Variants in PARD3B observed in about 807,000 individuals in gnomAD.
PARD3B encodes par-3 family cell polarity regulator beta.
PARD3B carries 103 observed loss-of-function variants against 130.2 expected under a neutral mutation model. The ratio of observed to expected loss-of-function variants is 0.79; its 90% CI spans 0.67 to 0.93. The LOEUF (loss-of-function observed/expected upper bound fraction) is 0.93, where lower values mean the gene tolerates loss of function less well. PARD3B is among the 40% of genes least tolerant of loss of function. The pLI, the probability that PARD3B is intolerant of heterozygous loss-of-function variation, is 0.00. For missense variants in PARD3B, 1,609 were observed against 1,499.2 expected (o/e 1.07, Z -1.21); for synonymous variants, 583 against 553.2 (o/e 1.05, Z -0.76).
rs1028285801 is a variant in PARD3B at position 205,272,073 on chromosome 2, G to A, written c.2185+26251G>A. ...CTCAGGAGGCTGAGGCAGGAGAATC[G>A]TTTGAACCCGGGAGGCAGAGTTTCC... On this transcript the variant is annotated intron_variant, in intron 16 of 22. Transcript: ENST00000406610. Among the ~76,000 whole-genome samples, 4 of 151,424 alleles carry A rather than the reference G, an allele frequency of 2.6e-5. No homozygotes were observed. In the East Asian group the frequency reaches 5.9e-4, roughly 22 times the overall value.
chr2:204,971,397 A>T (rs930607176), intron 3 of PARD3B, among the ~76,000 whole-genome samples: 2 of 152,202 alleles, frequency 1.3e-5, no homozygotes, highest in African/African-American at 4.8e-5. Flanking sequence ...TACAAAGCAT[A>T]TAAGCATGTG....
At chr2:205,010,828 A>G (rs1695651005) in intron 3 of PARD3B, among the ~76,000 whole-genome samples, 1 of 152,106 alleles carries the variant, frequency 6.6e-6, no homozygotes, top group African/African-American at 2.4e-5. Flanking sequence ...ATATATTTTC[A>G]GTGTGGTTAT....
chr2:204,654,235 G>A (rs1490363499), intron 1 of PARD3B, among the ~76,000 whole-genome samples: 2 of 151,238 alleles, frequency 1.3e-5, no homozygotes, highest in Non-Finnish European at 2.9e-5. Context: ...TATAAGGAAG[G>A]CAAGATGATT....
chr2:205,119,492 C>T (rs867055505), intron 7 of PARD3B, among the ~76,000 whole-genome samples: 1 of 152,024 alleles, frequency 6.6e-6, no homozygotes, highest in Non-Finnish European at 1.5e-5. Context: ...AATAAAATAC[C>T]GTCTCCTGGC....
At chr2:204,940,688 C>T (rs902591131) in intron 2 of PARD3B, among the ~76,000 whole-genome samples, 11 of 152,076 alleles carry the variant, frequency 7.2e-5, no homozygotes, top group Admixed American at 6.6e-4. Flanking sequence ...AATTTGAAGG[C>T]TAGCTCTGTT....
chr2:204,835,544 A>C (rs1421686699), intron 2 of PARD3B, among the ~76,000 whole-genome samples: 2 of 152,020 alleles, frequency 1.3e-5, no homozygotes, highest in Admixed American at 1.3e-4. Flanking sequence ...CCCTTCCCCA[A>C]ACTTGTATTG....
intron 2 of PARD3B, among the ~76,000 whole-genome samples, chr2:204,958,495 C>T (rs1690466002): frequency 6.6e-6 from 1 of 152,088 alleles, no homozygotes; most frequent in African/African-American, 2.4e-5. Flanking sequence ...AAAGGAAAAA[C>T]AGAAATTACC....
At chr2:204,973,316 T>C (rs1691865457) in intron 3 of PARD3B, among the ~76,000 whole-genome samples, 1 of 152,228 alleles carries the variant, frequency 6.6e-6, no homozygotes, top group African/African-American at 2.4e-5. Context: ...TATTTATACA[T>C]ATTCATCTTT....
At chr2:205,343,783 C>T (rs1324149714) in intron 18 of PARD3B, among the ~76,000 whole-genome samples, 2 of 151,692 alleles carry the variant, frequency 1.3e-5, no homozygotes, top group East Asian at 1.9e-4. Context: ...CTTACCACCA[C>T]CCCCCACCCA....
rs532836081 is a variant in PARD3B, at chr2:205,226,180, T to C, written c.2141-19598T>C. On this transcript the variant is annotated intron_variant, in intron 15 of 22. Transcript: ENST00000406610. ...CCTCAGCCTCCCGAGTAGCTGGGACTACAGGTGCCTGCCACCACGCCCGGC... is the reference window on the plus strand; with the variant it reads ...CCTCAGCCTCCCGAGTAGCTGGGACCACAGGTGCCTGCCACCACGCCCGGC... 1.7e-3 allele frequency among the ~76,000 whole-genome samples: 256 copies of C among 152,306 alleles called. 1 individual carries two copies. Among genetic ancestry groups the C allele is most frequent in the African/African-American group, 5.9e-3 (244 of 41,568 alleles).
chr2:204,852,022 T>C (rs1056163760), intron 2 of PARD3B, among the ~76,000 whole-genome samples: 1 of 152,128 alleles, frequency 6.6e-6, no homozygotes, highest in Non-Finnish European at 1.5e-5. Context: ...GTGGTTTTGA[T>C]TGATGAAAAA....
rs1173597523 is a variant in PARD3B, at chr2:205,015,639, T to G, written c.395-31942T>G. Among the ~76,000 whole-genome samples the G allele has an allele frequency of 2.6e-5, 4 of 152,194 alleles. No homozygotes were observed. The highest frequency in any genetic ancestry group is 5.9e-5 in the Non-Finnish European group (4 of 68,028). On this transcript the variant is annotated intron_variant, in intron 3 of 22. Transcript: ENST00000406610. This position sits in a 1 kb window ranked among gnomAD's most constrained non-coding sequence, Gnocchi z 4.5. ...AAATTGGAGGATGTAATAAAGGTGG[T>G]TGACATCTGCTTTGTCCTCCGTATC...
chr2:204,976,577 A>G (rs1692176210), intron 3 of PARD3B, among the ~76,000 whole-genome samples: 1 of 151,776 alleles, frequency 6.6e-6, no homozygotes, highest in Admixed American at 6.6e-5. Flanking sequence ...GAAAAAATAA[A>G]AAAACTCCAT....
chr2:205,118,129 A>G (rs2030120655), intron 6 of PARD3B, among the ~76,000 whole-genome samples: 1 of 152,062 alleles, frequency 6.6e-6, no homozygotes, highest in South Asian at 2.1e-4. Context: ...TCGCTGCCCT[A>G]CTCGGAAGCG....
rs2125631721 is a variant in PARD3B at position 205,125,559 on chromosome 2, G to A, written c.1306-50G>A. ...TTTCAAAAACTATCTAGTGTAGAAG[G>A]AGATAACAAGTATTGTGATTGTGGC... is the stretch of plus-strand genomic sequence containing the variant. On this transcript the variant is annotated intron_variant, in intron 9 of 22. Transcript: ENST00000406610. This position sits in a 1 kb window ranked among gnomAD's most constrained non-coding sequence, Gnocchi z 4.0. 1.3e-6 allele frequency: 2 copies of A among 1,591,742 alleles called. No homozygotes were observed. Among genetic ancestry groups the A allele is most frequent in the East Asian group, 2.2e-5 (1 of 44,502 alleles).
intron 19 of PARD3B, among the ~76,000 whole-genome samples, chr2:205,436,079 T>C (rs1396641712): frequency 1.3e-5 from 2 of 152,214 alleles, no homozygotes; most frequent in African/African-American, 4.8e-5. Flanking sequence ...CTAGGTTTCC[T>C]CATTTGGCAG....
At chr2:205,342,321 CAGA>C (rs2043573586) in intron 18 of PARD3B, among the ~76,000 whole-genome samples, 1 of 152,088 alleles carries the variant, frequency 6.6e-6, no homozygotes, top group Non-Finnish European at 1.5e-5. Flanking sequence ...GTAGTTTATA[CAGA>C]AGGAGAATGA....
At chr2:205,557,893 T>TAA (rs2052963303) in intron 22 of PARD3B, among the ~76,000 whole-genome samples, 1 of 152,070 alleles carries the variant, frequency 6.6e-6, no homozygotes, top group Non-Finnish European at 1.5e-5. Context: ...TGGCGTTGCT[T>TAA]TCCTCCCCCT....
At chr2:205,541,152 G>GA (rs2052108834) in intron 21 of PARD3B, among the ~76,000 whole-genome samples, 3 of 152,060 alleles carry the variant, frequency 2.0e-5, no homozygotes, top group African/African-American at 4.8e-5. Context: ...TTGATTAATG[G>GA]AAAGAAATTT....
Sources: allele counts gnomAD v4.1 joint callset (sites outside exome capture counted in the v4.1 genomes callset), GRCh38; gene constraint gnomAD v4.1.1; non-coding constraint Gnocchi (gnomAD v3.1); transcripts MANE v1.5; gene names NCBI Gene and HGNC (gene_info 2026-07-23, HGNC 2026-07-21).